Variants in COPS4 observed in about 807,000 individuals in gnomAD.
COPS4 encodes the protein COP9 signalosome subunit 4.
Under a neutral mutation model 55.1 loss-of-function variants are expected in COPS4, and 8 were observed. The ratio of observed to expected loss-of-function variants is 0.15; its 90% CI spans 0.09 to 0.26. The LOEUF is 0.26. COPS4 is among the 10% of genes least tolerant of loss of function. The pLI, the probability that COPS4 is intolerant of heterozygous loss-of-function variation, is 1.00. For synonymous variants in COPS4, 185 were observed against 165.7 expected, an observed-to-expected ratio of 1.12 and a Z score of -0.90; for missense variants, 248 against 484.0, an observed-to-expected ratio of 0.51 and a Z score of 4.58.
At chr4:83,060,113 C>G (rs542742989) in intron 6 of COPS4, among the ~76,000 whole-genome samples, 44 of 151,960 alleles carry the variant, frequency 2.9e-4, no homozygotes, top group African/African-American at 1.0e-3. Flanking sequence ...CTGGAAAAGA[C>G]AAGCACATTT....
chr4:83,075,245 G>A, intron 9 of COPS4, 52 bp from the exon 10 acceptor site: 3 of 1,550,992 alleles, frequency 1.9e-6, no homozygotes, highest in Non-Finnish European at 1.8e-6. Flanking sequence ...ACTCACAGTT[G>A]CTGTGAATAC....
At chr4:83,061,176 C>A (rs1731157363) in intron 6 of COPS4, among the ~76,000 whole-genome samples, 1 of 150,910 alleles carries the variant, frequency 6.6e-6, no homozygotes, top group Non-Finnish European at 1.5e-5. Context: ...GAACTTTTTA[C>A]TTTACTTTTT....
At chr4:83,038,702 C>T (rs1379495778) in intron 1 of COPS4, among the ~76,000 whole-genome samples, 4 of 152,032 alleles carry the variant, frequency 2.6e-5, no homozygotes, top group South Asian at 2.1e-4. Context: ...AGTGCAGTGG[C>T]GCGATCTCGG....
Position 83,064,869 on chromosome 4 carries a change from C to CTTTTTTTTTTT in COPS4, c.887-1548_887-1538dup, listed in dbSNP as rs140166684. ...GCCACTGTGCCTGGTTAAGCAGTCC[C>CTTTTTTTTTTT]TTTTTTTTTTTTTTTTTTTTTTTTT... On this transcript the variant is annotated intron_variant, in intron 7 of 9. Transcript: ENST00000264389. Among the ~76,000 whole-genome samples the CTTTTTTTTTTT allele has an allele frequency of 1.0e-3, 77 of 73,628 alleles. 1 individual carries two copies. The highest frequency in any genetic ancestry group is 3.9e-3 in the East Asian group (7 of 1,818). The allele number at this position is 73,628 out of a possible 152,430, so 48.3% of individuals were successfully genotyped here.
At position 83,063,056 on chromosome 4, in the gene COPS4, T is replaced by C; in HGVS notation, c.716-20T>C. Reference sequence around the variant, plus strand: ...GTGAAAATAACATTGTGAAATTTGATGCTCATTTATTTCTCTTAGGGCAGC... The same window carrying C: ...GTGAAAATAACATTGTGAAATTTGACGCTCATTTATTTCTCTTAGGGCAGC... On this transcript the variant is annotated intron_variant, in intron 6 of 9. Coordinates refer to ENST00000264389, the MANE Select transcript of COPS4 (RefSeq NM_016129.3). 1 of 1,512,192 alleles carries C rather than the reference T, an allele frequency of 6.6e-7. No homozygotes were observed. The highest frequency in any genetic ancestry group is 8.8e-7 in the Non-Finnish European group (1 of 1,135,580). The allele number at this position is 1,512,192 out of a possible 1,614,324, so 93.7% of individuals were successfully genotyped here. A position where few individuals can be genotyped will look rare whatever the true frequency, so the allele number is the denominator to read the frequency against.
intron 1 of COPS4, among the ~76,000 whole-genome samples, chr4:83,040,326 G>A (rs1490792472): frequency 6.6e-6 from 1 of 152,140 alleles, no homozygotes; most frequent in African/African-American, 2.4e-5. Flanking sequence ...TGACGTTTTG[G>A]TTGTTGCGAT....
At chr4:83,069,640 C>T (rs1199613986) in intron 9 of COPS4, among the ~76,000 whole-genome samples, 2 of 152,078 alleles carry the variant, frequency 1.3e-5, no homozygotes, top group African/African-American at 4.8e-5. Context: ...ACCTTGTTTC[C>T]TATTTCAAAG....
intron 6 of COPS4, among the ~76,000 whole-genome samples, chr4:83,062,701 T>C (rs1225442493): frequency 1.3e-5 from 2 of 152,230 alleles, no homozygotes; most frequent in African/African-American, 2.4e-5. Flanking sequence ...GGAGAAAATA[T>C]GTGTGTTAGA....
chr4:83,063,071 C>T lies in COPS4; in HGVS notation c.716-5C>T, dbSNP rs529877293. 1.7e-5 allele frequency: 26 copies of T among 1,533,632 alleles called. No individual in the cohort carries two copies. In the East Asian group the frequency reaches 1.7e-4, roughly 10 times the overall value. The stretch of plus-strand genomic sequence containing the variant: ...TGAAATTTGATGCTCATTTATTTCT[C>T]TTAGGGCAGCAGCGTTCTCGGATGC... On this transcript the variant is annotated splice_polypyrimidine_tract_variant and splice_region_variant and intron_variant, in intron 6 of 9. Transcript: ENST00000264389.
chr4:83,065,361 A>G (rs1423389702), intron 7 of COPS4, among the ~76,000 whole-genome samples: 1 of 152,058 alleles, frequency 6.6e-6, no homozygotes. Context: ...GCAAAATTAA[A>G]CCCTCTAATA....
At chr4:83,071,052 T>C (rs999750448) in intron 9 of COPS4, among the ~76,000 whole-genome samples, 3 of 152,260 alleles carry the variant, frequency 2.0e-5, no homozygotes, top group African/African-American at 7.2e-5. Context: ...CAGTAATGAT[T>C]TTCCTGACTT....
intron 1 of COPS4, chr4:83,035,539 A>G (rs866339100): frequency 1.1e-5 from 4 of 367,206 alleles, no homozygotes; most frequent in South Asian, 8.8e-5. Context: ...TCAGTTCTTG[A>G]TAGAATCTTT....
chr4:83,064,584 G>T (rs1480508936), intron 7 of COPS4, among the ~76,000 whole-genome samples: 2 of 152,048 alleles, frequency 1.3e-5, no homozygotes, highest in Non-Finnish European at 2.9e-5. Flanking sequence ...ACTGAGGAGA[G>T]AAGTTTTTCT....
At position 83,075,544 on chromosome 4, in the gene COPS4, G is replaced by T; in HGVS notation, c.*114G>T. On this transcript the variant is annotated 3_prime_UTR_variant, in exon 10 of 10. Coordinates refer to ENST00000264389, the MANE Select transcript of COPS4 (RefSeq NM_016129.3). ...TATACATTTCAATCCCTTTTATGCT[G>T]GATTCCGTTTAAAGAAGACATTATT... is the stretch of plus-strand genomic sequence containing the variant. 8.4e-7 allele frequency: 1 copy of T among 1,188,470 alleles called. No homozygotes were observed. Among genetic ancestry groups the T allele is most frequent in the Non-Finnish European group, 1.2e-6 (1 of 858,022 alleles). The allele number at this position is 1,188,470 out of a possible 1,614,324, so 73.6% of individuals were successfully genotyped here. A position where few individuals can be genotyped will look rare whatever the true frequency, so the allele number is the denominator to read the frequency against.
Position 83,068,366 on chromosome 4 carries a change from C to T in COPS4, c.1003-72C>T, listed in dbSNP as rs1255068974. 3.9e-6 allele frequency: 4 copies of T among 1,013,208 alleles called. No individual in the cohort carries two copies. In the African/African-American group the frequency reaches 6.5e-5, roughly 16 times the overall value. 62.8% of individuals were successfully genotyped at this position (1,013,208 alleles called of 1,614,324 possible). On this transcript the variant is annotated intron_variant, in intron 8 of 9. Transcript: ENST00000264389. ...TGATGGTAGTTAAACCAGAAGCTTT[C>T]TGTTCTCTTTTCATATGTGAATAAC...
intron 9 of COPS4, among the ~76,000 whole-genome samples, chr4:83,070,846 C>T (rs960712588): frequency 6.6e-6 from 1 of 152,160 alleles, no homozygotes; most frequent in African/African-American, 2.4e-5. Context: ...TGAATGTCTT[C>T]CCCATTGCTT....
chr4:83,040,444 A>T (rs34836925), intron 1 of COPS4, among the ~76,000 whole-genome samples: 39,167 of 152,052 alleles, frequency 0.26, 5,331 homozygotes, highest in East Asian at 0.5. Context: ...TGGTCTTGGG[A>T]TAGAATTTGT....
intron 1 of COPS4, among the ~76,000 whole-genome samples, chr4:83,040,760 CTTTTT>C (rs34207990): frequency 7.1e-5 from 6 of 84,880 alleles, no homozygotes; most frequent in African/African-American, 8.8e-5. Context: ...TTTATGTTGG[CTTTTT>C]TTTTTTTTTT....
rs766481428 is a variant in COPS4 at position 83,035,256 on chromosome 4, A to C, written c.32A>C (p.Gln11Pro). The C allele has an allele frequency of 1.3e-6, 2 of 1,574,124 alleles. No individual in the cohort carries two copies. Among genetic ancestry groups the C allele is most frequent in the Non-Finnish European group, 1.7e-6 (2 of 1,154,378 alleles). The change falls in exon 1 of 10, where the codon CAG becomes CCG. Residue 11 changes from glutamine to proline, a missense_variant. This residue lies in a region of COPS4 where 55 missense variants were observed against 62.8 expected (regional missense o/e 0.88). Transcript: ENST00000264389. ...GCAGCCGTGCGACAGGATTTGGCCC[A>C]GCTCATGAATTCGAGCGGCTCTCAT... MAAAVRQDLA[Q>P]LMNSSGSHKD... is the part of the protein sequence containing the mutation.
Sources: allele counts gnomAD v4.1 joint callset (sites outside exome capture counted in the v4.1 genomes callset), GRCh38; gene constraint gnomAD v4.1.1; regional missense constraint gnomAD v4.1.1; transcripts MANE v1.5; gene names NCBI Gene and HGNC (gene_info 2026-07-23, HGNC 2026-07-21).